Variants in TLE3 observed in about 807,000 individuals in gnomAD.
The protein encoded by TLE3 is transducin-like enhancer protein 3.
A neutral mutation model predicts 93.0 loss-of-function variants in TLE3; 14 were observed. The observed-to-expected ratio is 0.15, with a 90% CI of 0.10 to 0.24. The LOEUF (loss-of-function observed/expected upper bound fraction) is 0.24, where lower values mean the gene tolerates loss of function less well. Ranked by LOEUF, TLE3 falls within the 10% of genes least tolerant of loss-of-function variation. TLE3 has a pLI of 1.00. For missense variants in TLE3, 693 were observed against 1,046.6 expected (o/e 0.66, Z 4.66); for synonymous variants, 451 against 425.0 (o/e 1.06, Z -0.75).
chr15:70,062,314 T>C (rs1343000767), intron 8 of TLE3, among the ~76,000 whole-genome samples: 2 of 152,192 alleles, frequency 1.3e-5, no homozygotes, highest in African/African-American at 4.8e-5. Context: ...CTGACGGTGG[T>C]GGCCACCCTG....
At chr15:70,060,857 C>T (rs958738640) in intron 8 of TLE3, 2 of 691,552 alleles carry the variant, frequency 2.9e-6, no homozygotes, top group Non-Finnish European at 5.0e-6. Context: ...GGGAGATGCC[C>T]TGGGCGCATC....
Position 70,096,264 on chromosome 15 carries a change from G to T in TLE3, c.25-3C>A, listed in dbSNP as rs954889480. 8.1e-5 allele frequency: 126 copies of T among 1,552,194 alleles called. No homozygotes were observed. The highest frequency in any genetic ancestry group is 9.7e-5 in the Non-Finnish European group (111 of 1,147,826). On this transcript the variant is annotated splice_polypyrimidine_tract_variant and splice_region_variant and intron_variant, in intron 1 of 19. Transcript: ENST00000451782. ...GGCTGCCCGGGTTGATGGGGAGCCT[G>T]GAGCCCGCGAAGACAAGACAGGGGA... is the stretch of plus-strand genomic sequence containing the variant.
intron 4 of TLE3, among the ~76,000 whole-genome samples, chr15:70,079,967 T>G (rs925348683): frequency 2.0e-5 from 3 of 151,672 alleles, no homozygotes; most frequent in Admixed American, 2.0e-4. Flanking sequence ...AAAACCACCA[T>G]TAAGGTTAAT....
intron 4 of TLE3, among the ~76,000 whole-genome samples, chr15:70,082,703 G>A (rs939710075): frequency 6.6e-6 from 1 of 152,226 alleles, no homozygotes; most frequent in Middle Eastern, 3.2e-3. Context: ...CTGAGGATCT[G>A]TCTCCTCCGG....
At chr15:70,093,425 T>C (rs1282721100) in intron 4 of TLE3, among the ~76,000 whole-genome samples, 2 of 152,176 alleles carry the variant, frequency 1.3e-5, no homozygotes, top group African/African-American at 4.8e-5. Flanking sequence ...CCTGCCTCCT[T>C]AAAGAGCAAA....
Position 70,058,074 on chromosome 15 carries a change from C to T in TLE3, c.1051+85G>A, listed in dbSNP as rs1200092237. On this transcript the variant is annotated intron_variant, in intron 12 of 19. Transcript: ENST00000451782. The surrounding 1 kb of genome is among the most constrained non-coding windows in gnomAD (Gnocchi z 4.1). ...GACACTGCCTGTGCTCTATCCCATG[C>T]GTGTGTGTCACCCCTGCCCTGGCCA... is the stretch of plus-strand genomic sequence containing the variant. The T allele has an allele frequency of 1.8e-5, 29 of 1,589,002 alleles. No homozygotes were observed. The highest frequency in any genetic ancestry group is 5.7e-5 in the South Asian group (5 of 88,300).
chr15:70,053,529 CCCGGCCTCTTT>C, intron 16 of TLE3, 155 bp from the exon 17 acceptor site: 6 of 871,784 alleles, frequency 6.9e-6, no homozygotes, highest in South Asian at 4.6e-5. Context: ...CAAAGCTAGC[CCCGGCCTCTTT>C]CCAGTTCCAG....
chr15:70,084,830 C>T (rs1168879352), intron 4 of TLE3, among the ~76,000 whole-genome samples: 4 of 152,184 alleles, frequency 2.6e-5, no homozygotes, highest in Non-Finnish European at 5.9e-5. Flanking sequence ...TCCTCTATGT[C>T]TGAGGCCTTG....
In TLE3 at chr15:70,094,562, G is replaced by C; in HGVS notation, c.204C>G (p.Ser68=). 6.4e-7 allele frequency: 1 copy of C among 1,558,046 alleles called. No homozygotes were observed. The highest frequency in any genetic ancestry group is 1.9e-5 in the Admixed American group (1 of 51,552). The part of the protein sequence containing the change: ...QRHYVMYYEM[S]YGLNIEMHKQ... ...TGTGCATTTCAATGTTCAAGCCATA[G>C]GACATCTCATAGTACTAAAAGTAAA... is the stretch of plus-strand genomic sequence containing the variant. Residue 68 remains serine, a synonymous_variant, in exon 4 of 20, where the codon TCC becomes TCG. Transcript: ENST00000451782.
Position 70,053,367 on chromosome 15 carries a change from G to A in TLE3, c.1834C>T (p.Gln612Ter). ...CAGCTGGCCCCATCTGTGTGGCCCT[G>A]GAACTGCCTACGAAAGCCAAGCAGG... ...LHNQTLVRQF[Q>*]GHTDGASCID... Residue 612 changes from glutamine (Q) to a stop codon, truncating the protein, a stop_gained, in exon 17 of 20, where the codon CAG becomes TAG. Transcript: ENST00000451782. LOFTEE classifies it high-confidence loss of function. The A allele has an allele frequency of 6.2e-7, 1 of 1,602,804 alleles. No homozygotes were observed. The highest frequency in any genetic ancestry group is 8.5e-7 in the Non-Finnish European group (1 of 1,172,760).
In TLE3 at chr15:70,077,128, A is replaced by G. The variant is rs114455326; in HGVS notation, c.235-970T>C. Among the ~76,000 whole-genome samples, 180 of 152,352 alleles carry G rather than the reference A, an allele frequency of 1.2e-3. 1 individual carries two copies. The highest frequency in any genetic ancestry group is 4.1e-3 in the African/African-American group (169 of 41,586). On this transcript the variant is annotated intron_variant, in intron 4 of 19. Transcript: ENST00000451782. Reference sequence around the variant, plus strand: ...AAGTCAATCTTAGAAAGGTAGATCAATTCTCTGCCTCATCTCCCAACACCC... The same window carrying G: ...AAGTCAATCTTAGAAAGGTAGATCAGTTCTCTGCCTCATCTCCCAACACCC...
intron 4 of TLE3, among the ~76,000 whole-genome samples, chr15:70,093,587 C>T (rs2058403781): frequency 6.6e-6 from 1 of 152,218 alleles, no homozygotes; most frequent in South Asian, 2.1e-4. Context: ...TTTATACGTG[C>T]CAAGTCAACT....
In TLE3 at chr15:70,097,535, T is replaced by A. The variant is rs970040183; in HGVS notation, c.-737A>T. ...CTCAGTAGGTGCAAATCAAACGCCC[T>A]GGCATCCTAAGTCCAGCGGGCACGG... On this transcript the variant is annotated 5_prime_UTR_variant, in exon 1 of 20. Coordinates refer to ENST00000451782, the MANE Select transcript of TLE3 (RefSeq NM_001105192.3). 2 of 400,348 alleles carry A rather than the reference T, an allele frequency of 5.0e-6. No homozygotes were observed. The highest frequency in any genetic ancestry group is 4.1e-5 in the African/African-American group (2 of 48,590). 24.8% of individuals were successfully genotyped at this position (400,348 alleles called of 1,614,324 possible).
intron 1 of TLE3, 150 bp downstream of exon 1, chr15:70,096,624 GC>G (rs971336424): frequency 1.5e-5 from 23 of 1,544,826 alleles, no homozygotes; most frequent in East Asian, 9.8e-5. Flanking sequence ...TCTCAACGGC[GC>G]CCCCCGGCCG....
chr15:70,081,761 T>C (rs951309885), intron 4 of TLE3, among the ~76,000 whole-genome samples: 2 of 152,224 alleles, frequency 1.3e-5, no homozygotes, highest in Non-Finnish European at 2.9e-5. Context: ...ACTGTGAGTC[T>C]GAGACCAGTT....
chr15:70,066,502 A>C, intron 6 of TLE3: 1 of 380,418 alleles, frequency 2.6e-6, no homozygotes. Flanking sequence ...GTTTGTTTCC[A>C]AGCCTGAGAT....
chr15:70,078,297 A>T (rs577764445), intron 4 of TLE3, among the ~76,000 whole-genome samples: 3 of 152,348 alleles, frequency 2.0e-5, no homozygotes, highest in African/African-American at 7.2e-5. Context: ...AAACAAGCAT[A>T]GGCTGCAGCT....
intron 16 of TLE3, 119 bp from the exon 17 acceptor site, chr15:70,053,493 C>T (rs551030644): frequency 6.8e-6 from 8 of 1,184,694 alleles, no homozygotes; most frequent in African/African-American, 1.5e-5. Flanking sequence ...GTGCACTATG[C>T]GCATGGTCCC....
At position 70,055,133 on chromosome 15, in the gene TLE3, G is replaced by A; in HGVS notation, c.1494C>T (p.Val498=). The A allele has an allele frequency of 6.2e-7, 1 of 1,614,206 alleles. No homozygotes were observed. The highest frequency in any genetic ancestry group is 8.5e-7 in the Non-Finnish European group (1 of 1,180,030). Residue 498 remains valine (V), a synonymous_variant, in exon 15 of 20, where the codon GTC becomes GTT. Coordinates refer to ENST00000451782, the MANE Select transcript of TLE3 (RefSeq NM_001105192.3). ...AVTISNPTRH[V]YTGGKGCVKI... ...TCACGCAGCCCTTGCCACCTGTGTA[G>A]ACGTGCCTCGTGGGGTTGCTGATGG... is the stretch of plus-strand genomic sequence containing the variant.
Sources: allele counts gnomAD v4.1 joint callset (sites outside exome capture counted in the v4.1 genomes callset), GRCh38; gene constraint gnomAD v4.1.1; non-coding constraint Gnocchi (gnomAD v3.1); transcripts MANE v1.5; gene names NCBI Gene and HGNC (gene_info 2026-07-23, HGNC 2026-07-21).